MGMT: variants seen among roughly 807,000 people sequenced by gnomAD.
MGMT encodes methylated-DNA--protein-cysteine methyltransferase.
In MGMT, 14 loss-of-function variants were observed where a neutral mutation model predicts 15.9. That is an observed-to-expected ratio of 0.88 (90% CI 0.58 to 1.37). The LOEUF (loss-of-function observed/expected upper bound fraction) is 1.37. MGMT is among the 40% of genes most tolerant of loss of function. The probability of loss-of-function intolerance (pLI) is 0.00; values close to 1 mark genes in which losing one functional copy is unlikely to be tolerated. For missense variants in MGMT, 282 were observed against 268.1 expected (o/e 1.05, Z -0.36); for synonymous variants, 130 against 118.2 (o/e 1.10, Z -0.65).
intron 3 of MGMT, among the ~76,000 whole-genome samples, chr10:129,710,751 T>C (rs1205405085): frequency 6.6e-6 from 1 of 152,212 alleles, no homozygotes; most frequent in East Asian, 1.9e-4. Flanking sequence ...AGGAAAAGTC[T>C]TTTGACATCT....
intron 2 of MGMT, among the ~76,000 whole-genome samples, chr10:129,638,448 A>AAAAAAAAAAAAAG (rs1564744665): frequency 8.1e-5 from 12 of 148,584 alleles, no homozygotes; most frequent in African/African-American, 3.0e-4. Flanking sequence ...AAAAAAAAGA[A>AAAAAAAAAAAAAG]AAAAAAAAGA....
intron 3 of MGMT, among the ~76,000 whole-genome samples, chr10:129,749,911 T>C (rs1159594624): frequency 2.6e-5 from 4 of 152,168 alleles, no homozygotes; most frequent in African/African-American, 9.6e-5. Context: ...GTCACCTATA[T>C]ATATTCTTTG....
chr10:129,489,237 G>A (rs56738134), intron 1 of MGMT, among the ~76,000 whole-genome samples: 14,605 of 150,472 alleles, frequency 0.097, 833 homozygotes, highest in East Asian at 0.28. Flanking sequence ...GTGTGTGCCT[G>A]TAATCCCAGT....
chr10:129,737,831 G>C (rs1202387112), intron 3 of MGMT, among the ~76,000 whole-genome samples: 6 of 152,282 alleles, frequency 3.9e-5, no homozygotes, highest in South Asian at 2.1e-4. Flanking sequence ...TGTCAGTCTG[G>C]CCCTGCTGGG....
chr10:129,619,718 T>G (rs1847069743), intron 2 of MGMT, among the ~76,000 whole-genome samples: 2 of 152,168 alleles, frequency 1.3e-5, no homozygotes, highest in Admixed American at 1.3e-4. Flanking sequence ...AGAGTTTGTT[T>G]TATCTAAGTG....
At chr10:129,586,887 A>G (rs1261788890) in intron 2 of MGMT, among the ~76,000 whole-genome samples, 2 of 152,212 alleles carry the variant, frequency 1.3e-5, no homozygotes, top group African/African-American at 4.8e-5. Flanking sequence ...CTGATTTCAT[A>G]TCATTTTCCT....
intron 2 of MGMT, among the ~76,000 whole-genome samples, chr10:129,585,752 G>A (rs1379226968): frequency 2.0e-5 from 3 of 152,140 alleles, no homozygotes; most frequent in Non-Finnish European, 4.4e-5. Flanking sequence ...TGGCTGTGGA[G>A]CCCATGCATA....
chr10:129,697,760 AC>A (rs1180454209), intron 2 of MGMT, among the ~76,000 whole-genome samples: 2 of 152,150 alleles, frequency 1.3e-5, no homozygotes, highest in African/African-American at 4.8e-5. Context: ...GGAGTCAGCC[AC>A]CTTGCCTGTG....
At position 129,604,939 on chromosome 10, in the gene MGMT, T is replaced by G. The variant is rs117063700; in HGVS notation, c.125+68562T>G. ...GAAGTGAACGGAATCACAGTTTTGG[T>G]GTTGAACCCTTAAATGGGGGCCCCA... On this transcript the variant is annotated intron_variant, in intron 2 of 4. Transcript: ENST00000651593. 4.8e-4 allele frequency among the ~76,000 whole-genome samples: 73 copies of G among 152,308 alleles called. No homozygotes were observed. The East Asian group carries it at 0.012, about 24-fold the overall frequency.
intron 3 of MGMT, among the ~76,000 whole-genome samples, chr10:129,735,326 A>G (rs959192938): frequency 1.3e-5 from 2 of 152,128 alleles, no homozygotes; most frequent in Non-Finnish European, 2.9e-5. Context: ...CATTTCTTCT[A>G]GATTTTCTAG....
At chr10:129,620,362 G>T (rs773287191) in intron 2 of MGMT, among the ~76,000 whole-genome samples, 3 of 152,182 alleles carry the variant, frequency 2.0e-5, no homozygotes, top group African/African-American at 7.2e-5. Context: ...TTGTTTTGGC[G>T]TGTTGTGCAG....
rs140808835 is a variant in MGMT at position 129,716,827 on chromosome 10, C to T, written c.274+8784C>T. On this transcript the variant is annotated intron_variant, in intron 3 of 4. Coordinates refer to ENST00000651593, the MANE Select transcript of MGMT (RefSeq NM_002412.5). ...GTGATGGTATCATTAGTTTGTGAAT[C>T]GCATCCTTGAAAATAACTGTGAAGG... 2.7e-3 allele frequency among the ~76,000 whole-genome samples: 413 copies of T among 152,274 alleles called. 2 individuals carry two copies. Among genetic ancestry groups the T allele is most frequent in the Non-Finnish European group, 4.9e-3 (333 of 68,030 alleles).
intron 1 of MGMT, among the ~76,000 whole-genome samples, chr10:129,534,965 G>A (rs1053678788): frequency 3.3e-5 from 5 of 152,136 alleles, no homozygotes; most frequent in African/African-American, 1.2e-4. Flanking sequence ...ACTGTAGCAC[G>A]GAAGCAGCAG....
intron 1 of MGMT, among the ~76,000 whole-genome samples, chr10:129,490,136 A>G (rs2119654712): frequency 6.6e-6 from 1 of 151,992 alleles, no homozygotes; most frequent in South Asian, 2.1e-4. Flanking sequence ...GCTTCCCTCC[A>G]GGAGGGAAAC....
intron 2 of MGMT, among the ~76,000 whole-genome samples, chr10:129,553,746 A>G (rs959879910): frequency 3.3e-5 from 5 of 152,144 alleles, no homozygotes; most frequent in Non-Finnish European, 7.4e-5. Context: ...AGACCAGTGG[A>G]GCATCAGGGT....
intron 2 of MGMT, among the ~76,000 whole-genome samples, chr10:129,707,231 C>G (rs1007899294): frequency 6.6e-6 from 1 of 151,880 alleles, no homozygotes; most frequent in Admixed American, 6.6e-5. Context: ...GAGCCAAGAT[C>G]GAGCCATTGT....
At chr10:129,760,695 C>G (rs1401367673) in intron 4 of MGMT, among the ~76,000 whole-genome samples, 2 of 152,164 alleles carry the variant, frequency 1.3e-5, no homozygotes. Context: ...AAAAGCAACT[C>G]TGGTAGGTTT....
At chr10:129,547,234 A>G (rs879722978) in intron 2 of MGMT, among the ~76,000 whole-genome samples, 6 of 152,120 alleles carry the variant, frequency 3.9e-5, no homozygotes, top group Non-Finnish European at 4.4e-5. Flanking sequence ...ATTTCACTGT[A>G]TCTGTCTGTT....
At chr10:129,621,806 C>G (rs1432460021) in intron 2 of MGMT, among the ~76,000 whole-genome samples, 1 of 152,186 alleles carries the variant, frequency 6.6e-6, no homozygotes, top group Non-Finnish European at 1.5e-5. Flanking sequence ...AAAGCCATCC[C>G]CATGTGCCTA....
Sources: allele counts gnomAD v4.1 joint callset (sites outside exome capture counted in the v4.1 genomes callset), GRCh38; gene constraint gnomAD v4.1.1; transcripts MANE v1.5; gene names NCBI Gene and HGNC (gene_info 2026-07-23, HGNC 2026-07-21).